Variants in PPEF1 observed in about 807,000 individuals in gnomAD.
PPEF1 encodes protein phosphatase with EF-hand domain 1.
PPEF1 carries 12 observed loss-of-function variants against 53.3 expected under a neutral mutation model. The observed-to-expected ratio is 0.23, with a 90% confidence interval of 0.14 to 0.36. The LOEUF is 0.36. PPEF1 is among the 10% of genes least tolerant of loss of function. PPEF1 has a pLI of 1.00. For synonymous variants in PPEF1, 165 were observed against 176.7 expected (o/e 0.93, Z 0.52); for missense variants, 334 against 490.4 (o/e 0.68, Z 3.01).
At chrX:18,745,212 A>C (rs1343651700) in intron 3 of PPEF1, among the ~76,000 whole-genome samples, 1 of 95,068 alleles carries the variant, frequency 1.1e-5, no homozygotes, top group Non-Finnish European at 2.0e-5. Context: ...TATATATTAT[A>C]TATATATATA....
chrX:18,772,852 C>G (rs2045895881), intron 6 of PPEF1, among the ~76,000 whole-genome samples: 1 of 112,348 alleles, frequency 8.9e-6, no homozygotes, highest in African/African-American at 3.2e-5. Flanking sequence ...GCTGTAGACA[C>G]AGCATTTCAA....
chrX:18,755,572 G>GCCCCCC (rs2045530992), intron 4 of PPEF1, among the ~76,000 whole-genome samples: 2 of 109,343 alleles, frequency 1.8e-5, no homozygotes, highest in African/African-American at 6.9e-5. Flanking sequence ...ATCCCCCCCA[G>GCCCCCC]CCCCCAAAAA....
chrX:18,819,779 G>A (rs1309025020), intron 13 of PPEF1, among the ~76,000 whole-genome samples: 1 of 112,013 alleles, frequency 8.9e-6, no homozygotes, highest in Non-Finnish European at 1.9e-5. Flanking sequence ...AGAATAGAAT[G>A]TAAGAGACCA....
At chrX:18,733,634 C>G (rs1268988451) in intron 2 of PPEF1, 114 bp from the exon 3 acceptor site, 2 of 566,392 alleles carry the variant, frequency 3.5e-6, no homozygotes, top group African/African-American at 4.8e-5. Flanking sequence ...CCTGCAGCAG[C>G]TGAGATACAA....
intron 2 of PPEF1, among the ~76,000 whole-genome samples, chrX:18,731,374 TAAG>T (rs968992601): frequency 3.6e-5 from 4 of 112,351 alleles, no homozygotes; most frequent in African/African-American, 1.3e-4. Flanking sequence ...TAAAGATAAT[TAAG>T]AACATTCCAA....
chrX:18,738,080 T>C lies in PPEF1; in HGVS notation c.235+4272T>C, dbSNP rs762946599. ...TGATGGGTCTTGACTCTTTATCCAATTTGCCAGTCTGTGTCTTTTAATTGG... is the reference window on the plus strand; with the variant it reads ...TGATGGGTCTTGACTCTTTATCCAACTTGCCAGTCTGTGTCTTTTAATTGG... On this transcript the variant is annotated intron_variant, in intron 3 of 15. Transcript: ENST00000470157. Among the ~76,000 whole-genome samples the C allele has an allele frequency of 2.7e-4, 30 of 111,186 alleles. No homozygotes were observed. In the East Asian group the frequency reaches 7.1e-3, roughly 26 times the overall value.
At chrX:18,793,249 A>G (rs1357512157) in intron 10 of PPEF1, among the ~76,000 whole-genome samples, 1 of 109,973 alleles carries the variant, frequency 9.1e-6, no homozygotes, top group Non-Finnish European at 1.9e-5. Flanking sequence ...TAGTTTTGCT[A>G]TGTTGTGCTT....
chrX:18,718,264 A>T (rs775923045), intron 1 of PPEF1, among the ~76,000 whole-genome samples: 50 of 112,076 alleles, frequency 4.5e-4, no homozygotes, highest in Non-Finnish European at 7.7e-4. Flanking sequence ...TCCATTTTAG[A>T]ATCGTGAACC....
chrX:18,804,949 G>T (rs778388287), intron 11 of PPEF1, among the ~76,000 whole-genome samples: 15 of 111,166 alleles, frequency 1.3e-4, no homozygotes, highest in African/African-American at 3.9e-4. Flanking sequence ...CTGGTTTCTT[G>T]TCCCAAGTTG....
chrX:18,683,752 C>G (rs968858192), intron 1 of PPEF1, among the ~76,000 whole-genome samples: 2 of 111,793 alleles, frequency 1.8e-5, no homozygotes, highest in African/African-American at 6.5e-5. Context: ...CATAGTTCAT[C>G]TCTTTCTGCC....
At chrX:18,730,103 T>A in intron 1 of PPEF1, 78 bp from the exon 2 acceptor site, 2 of 1,029,725 alleles carry the variant, frequency 1.9e-6, no homozygotes. Flanking sequence ...GCTTTTTTTT[T>A]CCACTGAAGC....
chrX:18,815,228 A>G (rs1273001118), intron 12 of PPEF1, among the ~76,000 whole-genome samples: 1 of 111,498 alleles, frequency 9.0e-6, no homozygotes, highest in African/African-American at 3.3e-5. Flanking sequence ...AATCCTTTTT[A>G]TATGTTTCTG....
chrX:18,696,484 C>T (rs1209688235), intron 4 of PPEF1, among the ~76,000 whole-genome samples: 1 of 111,007 alleles, frequency 9.0e-6, no homozygotes, highest in East Asian at 2.8e-4. Flanking sequence ...GGACCCCTCA[C>T]AGTAAGTTTC....
Position 18,736,791 on chromosome X carries a change from T to C in PPEF1, c.235+2983T>C, listed in dbSNP as rs753750172. 2.7e-5 allele frequency among the ~76,000 whole-genome samples: 3 copies of C among 112,675 alleles called. No individual in the cohort carries two copies. In the South Asian group the frequency reaches 1.1e-3, roughly 41 times the overall value. On this transcript the variant is annotated intron_variant, in intron 3 of 15. Transcript: ENST00000470157. ...TTTTTGGTTGGTAGGCTATTAATTA[T>C]TGCCTCAATTTCAGAGCCTGTTATT...
At chrX:18,695,833 C>T (rs1929685081) in intron 4 of PPEF1, among the ~76,000 whole-genome samples, 1 of 112,182 alleles carries the variant, frequency 8.9e-6, no homozygotes, top group African/African-American at 3.2e-5. Flanking sequence ...CTGAATTTCC[C>T]CACCTTAAAA....
upstream of PPEF1, among the ~76,000 whole-genome samples, chrX:18,706,283 T>C (rs909521054): frequency 5.5e-5 from 5 of 90,284 alleles, no homozygotes; most frequent in African/African-American, 1.7e-4. Flanking sequence ...CATCACAAAA[T>C]AAAGGAAACA....
chrX:18,721,937 G>A (rs775272016), intron 1 of PPEF1, among the ~76,000 whole-genome samples: 6 of 111,936 alleles, frequency 5.4e-5, no homozygotes, highest in Non-Finnish European at 1.1e-4. Flanking sequence ...GTCTCCCAGG[G>A]ACAAGGCCTC....
intron 1 of PPEF1, among the ~76,000 whole-genome samples, chrX:18,726,827 A>G (rs1419360756): frequency 9.1e-6 from 1 of 109,738 alleles, no homozygotes; most frequent in African/African-American, 3.3e-5. Flanking sequence ...GTGCCCAGCT[A>G]ATTTTTGTAT....
chrX:18,729,603 G>C (rs145945497), intron 1 of PPEF1, among the ~76,000 whole-genome samples: 1 of 111,845 alleles, frequency 8.9e-6, no homozygotes, highest in African/African-American at 3.3e-5. Flanking sequence ...GTGCTACTCC[G>C]TGGTGTGCAC....
Sources: gnomAD v4.1 joint callset for allele counts (sites outside exome capture counted in the v4.1 genomes callset) on GRCh38, gnomAD v4.1.1 for gene constraint, MANE v1.5 for transcripts, NCBI Gene and HGNC (gene_info 2026-07-23, HGNC 2026-07-21) for gene names.